CA1: variants seen among roughly 807,000 people sequenced by gnomAD.
CA1 encodes the protein carbonate dehydratase I.
Under a neutral mutation model 28.8 loss-of-function variants are expected in CA1, and 27 were observed. The observed-to-expected ratio is 0.94, with a 90% CI of 0.69 to 1.29. The LOEUF (loss-of-function observed/expected upper bound fraction) is 1.29. Ranked by LOEUF, CA1 falls within the 50% of genes most tolerant of loss-of-function variation. CA1 has a pLI of 0.00. For missense variants in CA1, 335 were observed against 310.5 expected (o/e 1.08, Z -0.59); for synonymous variants, 121 against 108.8 (o/e 1.11, Z -0.70).
At chr8:85,344,652 A>C (rs997333957) in intron 1 of CA1, among the ~76,000 whole-genome samples, 30 of 152,216 alleles carry the variant, frequency 2.0e-4, no homozygotes, top group African/African-American at 7.0e-4. Context: ...GGTGAGTTTC[A>C]AATTTAAATT....
At chr8:85,336,902 G>C in intron 4 of CA1, 43 bp downstream of exon 4, 1 of 1,148,754 alleles carries the variant, frequency 8.7e-7, no homozygotes, top group Non-Finnish European at 1.3e-6. Flanking sequence ...GCTTCTGGGA[G>C]TACTCTCAGG....
At chr8:85,361,989 C>T (rs1245664955) in intron 1 of CA1, among the ~76,000 whole-genome samples, 1 of 152,150 alleles carries the variant, frequency 6.6e-6, no homozygotes, top group East Asian at 1.9e-4. Flanking sequence ...AAAAGTTTAG[C>T]CTCTTACAAT....
chr8:85,339,563 A>G (rs764558866), intron 2 of CA1, among the ~76,000 whole-genome samples: 2 of 152,218 alleles, frequency 1.3e-5, no homozygotes, highest in African/African-American at 4.8e-5. Context: ...TACTCCAGTG[A>G]GAGGAAGAGT....
At chr8:85,353,106 A>C (rs969864592) in intron 1 of CA1, among the ~76,000 whole-genome samples, 7 of 152,214 alleles carry the variant, frequency 4.6e-5, no homozygotes, top group Non-Finnish European at 8.8e-5. Flanking sequence ...GTGGTCAAAA[A>C]TTTGAGGAGA....
intron 1 of CA1, among the ~76,000 whole-genome samples, chr8:85,344,259 A>T (rs143069075): frequency 0.023 from 1,961 of 84,786 alleles, 108 homozygotes; most frequent in East Asian, 0.081. Context: ...TATTATATAC[A>T]GTATATAATA....
At chr8:85,345,642 G>A (rs1809148321) in intron 1 of CA1, among the ~76,000 whole-genome samples, 1 of 152,134 alleles carries the variant, frequency 6.6e-6, no homozygotes, top group South Asian at 2.1e-4. Flanking sequence ...TAGAAGAGCA[G>A]AATGTTATCA....
At chr8:85,346,865 G>T (rs941756856) in intron 1 of CA1, among the ~76,000 whole-genome samples, 6 of 152,102 alleles carry the variant, frequency 3.9e-5, no homozygotes, top group African/African-American at 1.2e-4. Context: ...AATAGATGAT[G>T]ATATAAAACA....
intron 6 of CA1, among the ~76,000 whole-genome samples, chr8:85,330,133 T>C (rs1286918014): frequency 1.3e-5 from 2 of 152,152 alleles, no homozygotes; most frequent in African/African-American, 4.8e-5. Flanking sequence ...TTTTTTACAA[T>C]CTATATCTTT....
At chr8:85,367,119 A>T (rs1285280082) in intron 1 of CA1, among the ~76,000 whole-genome samples, 2 of 150,280 alleles carry the variant, frequency 1.3e-5, no homozygotes, top group Non-Finnish European at 2.9e-5. Context: ...AAAATTTTTT[A>T]AAAATTAAAA....
intron 6 of CA1, 67 bp from the exon 7 acceptor site, chr8:85,329,911 T>TTC: frequency 1.9e-5 from 23 of 1,198,868 alleles, no homozygotes; most frequent in Non-Finnish European, 2.8e-5. Context: ...GTGACATATA[T>TTC]ATGCTATATT....
At chr8:85,340,912 A>G (rs1345580044) in intron 2 of CA1, 2 of 152,500 alleles carry the variant, frequency 1.3e-5, no homozygotes, top group African/African-American at 4.8e-5. Flanking sequence ...TGGGAGGCCA[A>G]GGAGGGCAGA....
At chr8:85,369,442 T>A (rs759379688) in intron 1 of CA1, among the ~76,000 whole-genome samples, 8 of 152,182 alleles carry the variant, frequency 5.3e-5, no homozygotes, top group Non-Finnish European at 1.2e-4. Flanking sequence ...CACATTCATA[T>A]CAAAGCATTA....
chr8:85,334,586 CCCTTCCTCCCTCCCTCCCTT>C (rs1421022332), intron 4 of CA1, among the ~76,000 whole-genome samples: 2 of 151,360 alleles, frequency 1.3e-5, no homozygotes, highest in East Asian at 2.0e-4. Context: ...TCTCCTCCCT[CCCTTCCTCCCTCCCTCCCTT>C]CCTTCCTCCC....
chr8:85,329,927 G>T, intron 6 of CA1, 83 bp from the exon 7 acceptor site: 1 of 1,117,986 alleles, frequency 8.9e-7, no homozygotes, highest in Non-Finnish European at 1.3e-6. Context: ...ATATTATCTT[G>T]TTATACATTA....
chr8:85,357,929 C>T (rs550568775), intron 1 of CA1, among the ~76,000 whole-genome samples: 155 of 152,320 alleles, frequency 1.0e-3, no homozygotes, highest in Non-Finnish European at 1.9e-4. Flanking sequence ...TCAACCTGCA[C>T]GAGTGACTGT....
intron 6 of CA1, 42 bp downstream of exon 6, chr8:85,332,448 A>C: frequency 6.9e-7 from 1 of 1,446,244 alleles, no homozygotes; most frequent in Non-Finnish European, 9.7e-7. Flanking sequence ...AGATCTGTAA[A>C]TTCTTGTTCT....
At chr8:85,341,707 C>G (rs1808941571) in intron 1 of CA1, 48 bp from the exon 2 acceptor site, 1 of 1,002,654 alleles carries the variant, frequency 1.0e-6, no homozygotes, top group Admixed American at 1.7e-5. Context: ...ACTGTGCATG[C>G]AGGAGATGCC....
At chr8:85,344,150 T>TA (rs1321816205) in intron 1 of CA1, among the ~76,000 whole-genome samples, 1 of 133,836 alleles carries the variant, frequency 7.5e-6, no homozygotes, top group Non-Finnish European at 1.6e-5. Context: ...TAATTATATA[T>TA]TATATACTGT....
chr8:85,333,472 G>T, intron 5 of CA1, 53 bp downstream of exon 5: 1 of 1,059,528 alleles, frequency 9.4e-7, no homozygotes, highest in Non-Finnish European at 1.5e-6. Context: ...TCTATTTTGA[G>T]GTCTAATTGG....
Sources: gnomAD v4.1 joint callset for allele counts (sites outside exome capture counted in the v4.1 genomes callset) on GRCh38, gnomAD v4.1.1 for gene constraint, MANE v1.5 for transcripts, NCBI Gene and HGNC (gene_info 2026-07-23, HGNC 2026-07-21) for gene names.